Variants in KCNH7 observed in about 807,000 individuals in gnomAD.
KCNH7 encodes voltage-gated inwardly rectifying potassium channel KCNH7.
In KCNH7, 49 loss-of-function variants were observed where a neutral mutation model predicts 120.8. The observed-to-expected ratio is 0.41, with a 90% CI of 0.32 to 0.51. The LOEUF is 0.51. KCNH7 is among the 20% of genes least tolerant of loss of function. The pLI is 0.38. For missense variants in KCNH7, 1,097 were observed against 1,446.6 expected, an observed-to-expected ratio of 0.76 and a Z score of 3.92; for synonymous variants, 547 against 516.1, an observed-to-expected ratio of 1.06 and a Z score of -0.81.
At chr2:162,637,225 T>G (rs1270260415) in intron 2 of KCNH7, among the ~76,000 whole-genome samples, 1 of 152,086 alleles carries the variant, frequency 6.6e-6, no homozygotes. Flanking sequence ...ATTTCTAGTC[T>G]CTTTCCATAT....
intron 2 of KCNH7, among the ~76,000 whole-genome samples, chr2:162,547,083 G>C (rs937636296): frequency 6.6e-6 from 1 of 152,134 alleles, no homozygotes; most frequent in African/African-American, 2.4e-5. Flanking sequence ...TTGGTGGAAG[G>C]GGAAGCAGGC....
chr2:162,663,593 T>C lies in KCNH7; in HGVS notation c.308-126513A>G, dbSNP rs539481071. On this transcript the variant is annotated intron_variant, in intron 2 of 15. Coordinates refer to ENST00000332142, the MANE Select transcript of KCNH7 (RefSeq NM_033272.4). Reference sequence around the variant, plus strand: ...CCCACTGTGAAAATTTTCAAGATAATAAAATGATCAGCTGTCAAGAGTGAA... The same window carrying C: ...CCCACTGTGAAAATTTTCAAGATAACAAAATGATCAGCTGTCAAGAGTGAA... Among the ~76,000 whole-genome samples the C allele has an allele frequency of 3.3e-5, 5 of 152,228 alleles. No individual in the cohort carries two copies. The East Asian group carries it at 9.7e-4, about 29-fold the overall frequency.
chr2:162,721,414 C>A (rs1433336616), intron 2 of KCNH7, among the ~76,000 whole-genome samples: 1 of 152,070 alleles, frequency 6.6e-6, no homozygotes, highest in Non-Finnish European at 1.5e-5. Flanking sequence ...TTTATTTTTA[C>A]CCCAATATCT....
intron 2 of KCNH7, among the ~76,000 whole-genome samples, chr2:162,575,369 T>C (rs1002735777): frequency 2.0e-5 from 3 of 152,092 alleles, no homozygotes; most frequent in South Asian, 4.1e-4. Context: ...TCCTCTAGAA[T>C]ATTCTTTCAC....
intron 6 of KCNH7, among the ~76,000 whole-genome samples, chr2:162,481,968 CT>C (rs1383949221): frequency 7.0e-6 from 1 of 142,172 alleles, no homozygotes; most frequent in Non-Finnish European, 1.5e-5. Context: ...TATCTATCAT[CT>C]ATCTATCTAT....
chr2:162,602,465 T>G (rs1694590921), intron 2 of KCNH7, among the ~76,000 whole-genome samples: 1 of 152,026 alleles, frequency 6.6e-6, no homozygotes, highest in Non-Finnish European at 1.5e-5. Flanking sequence ...TTTTTAAACT[T>G]TGTTTTCTTC....
intron 2 of KCNH7, among the ~76,000 whole-genome samples, chr2:162,548,448 CT>C (rs1559008355): frequency 2.0e-5 from 3 of 152,138 alleles, no homozygotes; most frequent in Admixed American, 2.0e-4. Context: ...TTTACTGTTG[CT>C]TTTTTGTCTT....
At position 162,567,392 on chromosome 2, in the gene KCNH7, T is replaced by G. The variant is rs147724981; in HGVS notation, c.308-30312A>C. 5.2e-3 allele frequency among the ~76,000 whole-genome samples: 786 copies of G among 152,018 alleles called. 10 individuals carry two copies. Among genetic ancestry groups the G allele is most frequent in the African/African-American group, 0.018 (749 of 41,502 alleles). On this transcript the variant is annotated intron_variant, in intron 2 of 15. Transcript: ENST00000332142. ...CTCATACGAAATTGGGGGTTGGAGT[T>G]GAGTAAAAGTGAGAATAGCGGATGT... is the stretch of plus-strand genomic sequence containing the variant.
chr2:162,516,741 C>T (rs1486710295), intron 4 of KCNH7, among the ~76,000 whole-genome samples: 1 of 151,648 alleles, frequency 6.6e-6, no homozygotes, highest in Non-Finnish European at 1.5e-5. Context: ...ACAGACTCCT[C>T]CTATGGCAAG....
At chr2:162,616,146 C>T (rs1683133604) in intron 2 of KCNH7, among the ~76,000 whole-genome samples, 1 of 152,144 alleles carries the variant, frequency 6.6e-6, no homozygotes, top group African/African-American at 2.4e-5. Context: ...TTGTTTTTCT[C>T]ATTAGTCTGA....
At chr2:162,416,850 C>T (rs1051307862) in intron 9 of KCNH7, among the ~76,000 whole-genome samples, 1 of 152,056 alleles carries the variant, frequency 6.6e-6, no homozygotes, top group Non-Finnish European at 1.5e-5. Flanking sequence ...AATAGGACCC[C>T]AAGATGCAAA....
chr2:162,560,666 G>A (rs933238775), intron 2 of KCNH7, among the ~76,000 whole-genome samples: 5 of 152,200 alleles, frequency 3.3e-5, no homozygotes, highest in African/African-American at 1.2e-4. Context: ...ATAATTTTTA[G>A]AACCTATAGT....
At chr2:162,591,340 T>C (rs868326339) in intron 2 of KCNH7, among the ~76,000 whole-genome samples, 2 of 152,040 alleles carry the variant, frequency 1.3e-5, no homozygotes, top group Non-Finnish European at 2.9e-5. Flanking sequence ...CGCTTATAAC[T>C]GTGCCCAGCA....
intron 6 of KCNH7, among the ~76,000 whole-genome samples, chr2:162,446,910 C>T (rs772784773): frequency 6.6e-6 from 1 of 151,990 alleles, no homozygotes; most frequent in African/African-American, 2.4e-5. Flanking sequence ...TATAATTACA[C>T]CTTGATAAAT....
At chr2:162,590,558 A>T (rs1025418692) in intron 2 of KCNH7, among the ~76,000 whole-genome samples, 3 of 152,138 alleles carry the variant, frequency 2.0e-5, no homozygotes, top group Non-Finnish European at 2.9e-5. Flanking sequence ...AGGGAAATAA[A>T]TGAAAAGCCA....
intron 5 of KCNH7, 44 bp from the exon 6 acceptor site, chr2:162,504,701 T>C (rs1354148720): frequency 7.8e-7 from 1 of 1,273,952 alleles, no homozygotes; most frequent in Admixed American, 1.8e-5. Flanking sequence ...TAAGAAGATA[T>C]AGAAGAAAGA....
intron 9 of KCNH7, among the ~76,000 whole-genome samples, chr2:162,422,612 A>C (rs1056003032): frequency 2.0e-5 from 3 of 152,128 alleles, no homozygotes; most frequent in African/African-American, 7.2e-5. Context: ...TAATAAAAAG[A>C]GGTCTTTGGA....
At position 162,386,243 on chromosome 2, in the gene KCNH7, T is replaced by G. The variant is rs901552375; in HGVS notation, c.2711-1304A>C. 2.6e-5 allele frequency among the ~76,000 whole-genome samples: 4 copies of G among 151,972 alleles called. No homozygotes were observed. The South Asian group carries it at 6.2e-4, about 24-fold the overall frequency. Reference sequence around the variant, plus strand: ...TGTAAATATTCGGATCAAATCTTCTTACAAAAAGCCTTTTCTCTTCAGTGT... The same window carrying G: ...TGTAAATATTCGGATCAAATCTTCTGACAAAAAGCCTTTTCTCTTCAGTGT... On this transcript the variant is annotated intron_variant, in intron 12 of 15. Transcript: ENST00000332142.
chr2:162,782,034 C>T (rs2105496670), intron 2 of KCNH7, among the ~76,000 whole-genome samples: 1 of 152,274 alleles, frequency 6.6e-6, no homozygotes, highest in East Asian at 1.9e-4. Context: ...TTAGACCTTG[C>T]ATTCATGACA....
Sources: allele counts gnomAD v4.1 joint callset (sites outside exome capture counted in the v4.1 genomes callset), GRCh38; gene constraint gnomAD v4.1.1; transcripts MANE v1.5; gene names NCBI Gene and HGNC (gene_info 2026-07-23, HGNC 2026-07-21).